The following COP1 variants were observed in gnomAD, a reference collection of about 807,000 sequenced individuals.
COP1 encodes the protein E3 ubiquitin-protein ligase COP1.
Under a neutral mutation model 101.3 loss-of-function variants are expected in COP1, and 24 were observed. The observed-to-expected ratio is 0.24, with a 90% CI of 0.17 to 0.33. COP1 has a LOEUF of 0.33. Among genes scored for constraint, COP1 ranks in the 10% least tolerant of loss-of-function variants. The probability of loss-of-function intolerance (pLI) is 1.00; values close to 1 mark genes in which losing one functional copy is unlikely to be tolerated. For missense variants in COP1, 663 were observed against 906.2 expected, an observed-to-expected ratio of 0.73 and a Z score of 3.45; for synonymous variants, 347 against 341.9, an observed-to-expected ratio of 1.01 and a Z score of -0.17.
At chr1:176,146,056 A>G (rs190989560) in intron 6 of COP1, among the ~76,000 whole-genome samples, 1 of 152,344 alleles carries the variant, frequency 6.6e-6, no homozygotes, top group East Asian at 1.9e-4. Flanking sequence ...ATTCACTAAA[A>G]TTCCAAGTAA....
intron 15 of COP1, among the ~76,000 whole-genome samples, chr1:176,022,349 G>T (rs1435509746): frequency 6.6e-6 from 1 of 152,098 alleles, no homozygotes; most frequent in Non-Finnish European, 1.5e-5. Flanking sequence ...TTGGTGGGTA[G>T]CTCATATACT....
At chr1:175,997,469 A>G (rs1470005443) in intron 15 of COP1, among the ~76,000 whole-genome samples, 20 of 152,158 alleles carry the variant, frequency 1.3e-4, no homozygotes, top group Admixed American at 3.3e-4. Context: ...GCAACCTACA[A>G]AATGGGAGAA....
chr1:175,992,307 C>T (rs1257643314), intron 15 of COP1, among the ~76,000 whole-genome samples: 2 of 152,162 alleles, frequency 1.3e-5, no homozygotes, highest in Non-Finnish European at 2.9e-5. Flanking sequence ...CTACAGCTCC[C>T]AGAGTGAGCG....
At chr1:176,200,695 A>G (rs1471827369) in intron 1 of COP1, among the ~76,000 whole-genome samples, 1 of 152,228 alleles carries the variant, frequency 6.6e-6, no homozygotes, top group Non-Finnish European at 1.5e-5. Context: ...TTTTAAGTAT[A>G]AAGAAAAACA....
chr1:176,190,896 AT>A (rs1206011216), intron 1 of COP1, among the ~76,000 whole-genome samples: 1 of 152,022 alleles, frequency 6.6e-6, no homozygotes, highest in Non-Finnish European at 1.5e-5. Context: ...TAAAAAAAAA[AT>A]CAATCTTTCA....
chr1:176,028,790 G>GTCAT, intron 14 of COP1, among the ~76,000 whole-genome samples: 1 of 144,196 alleles, frequency 6.9e-6, no homozygotes, highest in South Asian at 2.2e-4. Flanking sequence ...TCCTCACTCT[G>GTCAT]TCATTCAGGC....
At chr1:176,006,717 C>A (rs979678625) in intron 15 of COP1, among the ~76,000 whole-genome samples, 1 of 152,140 alleles carries the variant, frequency 6.6e-6, no homozygotes. Context: ...CCGAGAGATC[C>A]GCTGTTAGTC....
intron 3 of COP1, among the ~76,000 whole-genome samples, chr1:176,165,391 T>C (rs918657142): frequency 2.1e-5 from 3 of 144,952 alleles, no homozygotes; most frequent in Admixed American, 7.0e-5. Flanking sequence ...TGTGTGTGTG[T>C]GTGTGTGTGT....
At chr1:176,184,556 G>A (rs761663359) in intron 2 of COP1, 77 bp downstream of exon 2, 2 of 1,219,474 alleles carry the variant, frequency 1.6e-6, no homozygotes, top group Non-Finnish European at 1.2e-6. Flanking sequence ...TTTAAAACAC[G>A]TAACTTCTCA....
chr1:176,096,992 T>C (rs1272589885), intron 9 of COP1, among the ~76,000 whole-genome samples: 1 of 152,132 alleles, frequency 6.6e-6, no homozygotes, highest in Non-Finnish European at 1.5e-5. Flanking sequence ...GTGCAACCTT[T>C]GCTATTTGTT....
rs559199776 is a variant in COP1, at chr1:176,046,083, G to A, written c.1421+98C>T. 2.2e-4 allele frequency: 200 copies of A among 904,634 alleles called. 1 individual carries two copies. The South Asian group carries it at 2.4e-3, about 11-fold the overall frequency. 56.0% of individuals were successfully genotyped at this position (904,634 alleles called of 1,614,324 possible). ...AGTACAATAATAGTGTTCACCATGAGTAAAAAGTGTCATGCAAAGGTAAAA... is the reference window on the plus strand; with the variant it reads ...AGTACAATAATAGTGTTCACCATGAATAAAAAGTGTCATGCAAAGGTAAAA... On this transcript the variant is annotated intron_variant, in intron 12 of 19. Coordinates refer to ENST00000367669, the MANE Select transcript of COP1 (RefSeq NM_022457.7).
At chr1:176,191,263 T>C (rs1031444190) in intron 1 of COP1, among the ~76,000 whole-genome samples, 5 of 152,086 alleles carry the variant, frequency 3.3e-5, no homozygotes, top group African/African-American at 1.2e-4. Context: ...TATCTTGCTA[T>C]AATCTCAGAA....
intron 18 of COP1, among the ~76,000 whole-genome samples, chr1:175,964,974 A>G (rs1387598286): frequency 6.6e-6 from 1 of 152,202 alleles, no homozygotes; most frequent in Non-Finnish European, 1.5e-5. Context: ...CAGAAAAGAG[A>G]GTGTTAATTT....
intron 9 of COP1, among the ~76,000 whole-genome samples, chr1:176,103,395 A>G (rs1389058485): frequency 6.6e-6 from 1 of 152,168 alleles, no homozygotes; most frequent in African/African-American, 2.4e-5. Flanking sequence ...TAAAGCTCCT[A>G]AACAATAAGA....
At chr1:176,192,643 C>T (rs1699234316) in intron 1 of COP1, among the ~76,000 whole-genome samples, 1 of 152,074 alleles carries the variant, frequency 6.6e-6, no homozygotes, top group Admixed American at 6.6e-5. Flanking sequence ...TACCCAATCA[C>T]AGGCCAATCA....
intron 15 of COP1, among the ~76,000 whole-genome samples, chr1:176,006,039 G>A (rs1663106151): frequency 6.6e-6 from 1 of 152,116 alleles, no homozygotes; most frequent in African/African-American, 2.4e-5. Context: ...CCCTTGTATT[G>A]GGTGCATATA....
At position 176,093,838 on chromosome 1, in the gene COP1, T is replaced by TCAAAACAAAACAAAA. The variant is rs537553723; in HGVS notation, c.1027-7963_1027-7949dup. On this transcript the variant is annotated intron_variant, in intron 9 of 19. Coordinates refer to ENST00000367669, the MANE Select transcript of COP1 (RefSeq NM_022457.7). ...AGGTGACAGAGCGAGAGACTCTGTC[T>TCAAAACAAAACAAAA]CAAAACAAAACAAAACAAAACAAAA... Among the ~76,000 whole-genome samples the TCAAAACAAAACAAAA allele has an allele frequency of 8.4e-4, 126 of 150,006 alleles. 3 individuals carry two copies. Among genetic ancestry groups the TCAAAACAAAACAAAA allele is most frequent in the African/African-American group, 3.0e-3 (121 of 40,634 alleles).
chr1:176,147,263 T>C (rs895524331), intron 6 of COP1, among the ~76,000 whole-genome samples: 1 of 152,178 alleles, frequency 6.6e-6, no homozygotes, highest in African/African-American at 2.4e-5. Context: ...CTTCAATCTG[T>C]CTGCACTAAA....
chr1:176,183,160 C>T (rs1698000663), intron 2 of COP1, among the ~76,000 whole-genome samples: 1 of 152,182 alleles, frequency 6.6e-6, no homozygotes, highest in Non-Finnish European at 1.5e-5. Context: ...ATACACCTAT[C>T]ACTAAAGCAT....
Sources: allele counts gnomAD v4.1 joint callset (sites outside exome capture counted in the v4.1 genomes callset), GRCh38; gene constraint gnomAD v4.1.1; transcripts MANE v1.5; gene names NCBI Gene and HGNC (gene_info 2026-07-23, HGNC 2026-07-21).